Variants in NHSL1 observed in about 807,000 individuals in gnomAD.
The protein encoded by NHSL1 is NHS like 1, also known as NHS-like protein 1.
A neutral mutation model predicts 95.0 loss-of-function variants in NHSL1; 48 were observed. The ratio of observed to expected loss-of-function variants is 0.51; its 90% CI spans 0.40 to 0.64. The LOEUF (loss-of-function observed/expected upper bound fraction) is 0.64, where lower values mean the gene tolerates loss of function less well. Ranked by LOEUF, NHSL1 falls within the 30% of genes least tolerant of loss-of-function variation. NHSL1 has a pLI of 0.00. For missense variants in NHSL1, 1,971 were observed against 2,077.7 expected (o/e 0.95, Z 1.00); for synonymous variants, 783 against 833.9 (o/e 0.94, Z 1.05).
chr6:138,485,173 C>T (rs1318719955), intron 2 of NHSL1, among the ~76,000 whole-genome samples: 1 of 152,086 alleles, frequency 6.6e-6, no homozygotes, highest in Non-Finnish European at 1.5e-5. Flanking sequence ...TAAGCCAACA[C>T]GGGAGACTTC....
chr6:138,475,699 A>G (rs1468725258), intron 2 of NHSL1, among the ~76,000 whole-genome samples: 1 of 152,096 alleles, frequency 6.6e-6, no homozygotes, highest in Non-Finnish European at 1.5e-5. Flanking sequence ...TAATCCCAGC[A>G]CTTTGGGAGG....
Position 138,430,721 on chromosome 6 carries a change from C to A in NHSL1, c.3624G>T (p.Pro1208=), listed in dbSNP as rs968967127. Residue 1208 remains proline (P), a synonymous_variant, in exon 6 of 8, where the codon CCG becomes CCT. Coordinates refer to ENST00000343505, the MANE Select transcript of NHSL1 (RefSeq NM_001144060.2). The surrounding 1 kb of genome is among the most constrained non-coding windows in gnomAD (Gnocchi z 4.7). ...CGGGCTCCACTGCAAAATCTTTCTGCGGAGGTGGTACCACCAGGAACAGTT... is the reference window on the plus strand; with the variant it reads ...CGGGCTCCACTGCAAAATCTTTCTGAGGAGGTGGTACCACCAGGAACAGTT... The part of the protein sequence containing the change: ...KPKLFLVVPP[P]QKDFAVEPAE... 1 of 1,551,580 alleles carries A rather than the reference C, an allele frequency of 6.4e-7. No homozygotes were observed. Among genetic ancestry groups the A allele is most frequent in the African/African-American group, 1.4e-5 (1 of 73,014 alleles).
chr6:138,456,084 C>G lies in NHSL1; in HGVS notation c.340-8891G>C, dbSNP rs919337843. Among the ~76,000 whole-genome samples, 25 of 152,264 alleles carry G rather than the reference C, an allele frequency of 1.6e-4. No individual in the cohort carries two copies. The South Asian group carries it at 1.9e-3, about 11-fold the overall frequency. On this transcript the variant is annotated intron_variant, in intron 3 of 7. Transcript: ENST00000343505. ...TTTACTTCAACCTCACACCAACTCTCCAAGGTAGGTTAGGGTAACTATGTA... is the reference window on the plus strand; with the variant it reads ...TTTACTTCAACCTCACACCAACTCTGCAAGGTAGGTTAGGGTAACTATGTA...
At position 138,424,838 on chromosome 6, in the gene NHSL1, A is replaced by G. The variant is rs1315097960; in HGVS notation, c.4086-22T>C. The G allele has an allele frequency of 3.2e-6, 5 of 1,540,078 alleles. No homozygotes were observed. Among genetic ancestry groups the G allele is most frequent in the Non-Finnish European group, 2.6e-6 (3 of 1,139,532 alleles). On this transcript the variant is annotated intron_variant, in intron 7 of 7. Transcript: ENST00000343505. The surrounding 1 kb of genome is among the most constrained non-coding windows in gnomAD (Gnocchi z 5.9). Reference sequence around the variant, plus strand: ...GGATCTGAGATTTAATAACATTAAGAAAAAGGTTAATTCCCACGGGACCAC... The same window carrying G: ...GGATCTGAGATTTAATAACATTAAGGAAAAGGTTAATTCCCACGGGACCAC...
rs879111710 is a variant in NHSL1, at chr6:138,447,113, G to T, written c.420C>A (p.Asp140Glu). Residue 140 changes from aspartate (D) to glutamate (E), a missense_variant, in exon 4 of 8, where the codon GAC becomes GAA. This residue lies in a region of NHSL1 where 1,602 missense variants were observed against 1,654.5 expected (regional missense o/e 0.97). Transcript: ENST00000343505. Reference protein sequence around the residue: ...PKTPASSDFSDLNTQTNWTKS... With the variant: ...PKTPASSDFSELNTQTNWTKS... ...TGGTCCAGTTCGTCTGAGTATTAAG[G>T]TCGGAGAAGTCACTTGAGGCTGGTG... The T allele has an allele frequency of 6.4e-7, 1 of 1,551,804 alleles. No homozygotes were observed. Among genetic ancestry groups the T allele is most frequent in the South Asian group, 1.2e-5 (1 of 84,066 alleles).
At chr6:138,679,988 A>AT (rs915066902) in intron 1 of NHSL1, among the ~76,000 whole-genome samples, 5 of 152,056 alleles carry the variant, frequency 3.3e-5, no homozygotes, top group Non-Finnish European at 7.4e-5. Flanking sequence ...CTAGGTTATG[A>AT]TTTTTTTCTT....
chr6:138,620,373 C>G (rs1215856930), intron 1 of NHSL1, among the ~76,000 whole-genome samples: 1 of 152,152 alleles, frequency 6.6e-6, no homozygotes, highest in Non-Finnish European at 1.5e-5. Context: ...AAGGAATTTA[C>G]TGTGAGCAAA....
chr6:138,429,927 C>T (rs764199591), intron 6 of NHSL1, 84 bp from the exon 7 acceptor site: 12 of 1,361,824 alleles, frequency 8.8e-6, no homozygotes, highest in Non-Finnish European at 1.2e-5. Context: ...TGCTGCTTCC[C>T]TGCCATTCCC....
At chr6:138,567,204 T>C (rs1160182969) in intron 1 of NHSL1, among the ~76,000 whole-genome samples, 1 of 151,450 alleles carries the variant, frequency 6.6e-6, no homozygotes, top group Non-Finnish European at 1.5e-5. Context: ...CTCGGCTCAC[T>C]GCAGACTCGA....
At chr6:138,460,491 T>A (rs1777923026) in intron 3 of NHSL1, among the ~76,000 whole-genome samples, 1 of 152,150 alleles carries the variant, frequency 6.6e-6, no homozygotes, top group East Asian at 1.9e-4. Flanking sequence ...TGTGTCATTA[T>A]TCCCTAAACA....
chr6:138,563,501 C>A (rs1000195506), intron 1 of NHSL1, among the ~76,000 whole-genome samples: 6 of 152,184 alleles, frequency 3.9e-5, no homozygotes, highest in Non-Finnish European at 8.8e-5. Flanking sequence ...AGGATAAAGA[C>A]ATTTTTTGAC....
chr6:138,431,099 T>C lies in NHSL1; in HGVS notation c.3246A>G (p.Arg1082=), dbSNP rs954117128. 5.2e-6 allele frequency: 8 copies of C among 1,551,752 alleles called. No homozygotes were observed. The highest frequency in any genetic ancestry group is 7.0e-6 in the Non-Finnish European group (8 of 1,147,042). ...ALQMVQLRPV[R]KNSGAEAAQL... Reference sequence around the variant, plus strand: ...GTGCCGCCTCAGCGCCTGAGTTCTTTCTCACGGGCCTCAACTGCACCATCT... The same window carrying C: ...GTGCCGCCTCAGCGCCTGAGTTCTTCCTCACGGGCCTCAACTGCACCATCT... The change falls in exon 6 of 8, where the codon AGA becomes AGG. Residue 1082 remains arginine, a synonymous_variant. Coordinates refer to ENST00000343505, the MANE Select transcript of NHSL1 (RefSeq NM_001144060.2). This position sits in a 1 kb window ranked among gnomAD's most constrained non-coding sequence, Gnocchi z 4.0.
At chr6:138,491,792 G>GT (rs372429180) in intron 2 of NHSL1, among the ~76,000 whole-genome samples, 6 of 152,142 alleles carry the variant, frequency 3.9e-5, no homozygotes, top group African/African-American at 1.4e-4. Context: ...TCCGATTTGG[G>GT]TTTTTTTCTG....
At chr6:138,661,579 T>C (rs1192133857) in intron 1 of NHSL1, among the ~76,000 whole-genome samples, 1 of 151,744 alleles carries the variant, frequency 6.6e-6, no homozygotes, top group East Asian at 1.9e-4. Context: ...AGAGGATCGT[T>C]GGAGCCCCGG....
chr6:138,505,881 A>G (rs749082733), intron 1 of NHSL1, among the ~76,000 whole-genome samples: 32 of 152,156 alleles, frequency 2.1e-4, no homozygotes, highest in Non-Finnish European at 4.3e-4. Context: ...CTGATTGTTA[A>G]TTCATTTTAG....
chr6:138,495,308 C>T (rs1780286195), intron 2 of NHSL1, among the ~76,000 whole-genome samples: 2 of 152,168 alleles, frequency 1.3e-5, no homozygotes, highest in South Asian at 4.1e-4. Context: ...TATAGGAATA[C>T]ATTCTTCCTA....
chr6:138,473,823 T>C (rs1778903337), intron 2 of NHSL1, among the ~76,000 whole-genome samples: 1 of 151,542 alleles, frequency 6.6e-6, no homozygotes, highest in Non-Finnish European at 1.5e-5. Flanking sequence ...TACCAGATTA[T>C]GTGATGATAT....
intron 1 of NHSL1, among the ~76,000 whole-genome samples, chr6:138,497,849 A>G (rs942771471): frequency 1.3e-5 from 2 of 152,212 alleles, no homozygotes; most frequent in African/African-American, 4.8e-5. Context: ...TCATTTTCAA[A>G]AGGACCCCAC....
At chr6:138,494,798 GAGC>G (rs1780253992) in intron 2 of NHSL1, among the ~76,000 whole-genome samples, 1 of 152,148 alleles carries the variant, frequency 6.6e-6, no homozygotes, top group South Asian at 2.1e-4. Context: ...AGTCTGGTAG[GAGC>G]AGCATCTGGT....
Sources: gnomAD v4.1 joint callset for allele counts (sites outside exome capture counted in the v4.1 genomes callset) on GRCh38, gnomAD v4.1.1 for gene constraint, gnomAD v4.1.1 regional missense constraint, Gnocchi (gnomAD v3.1) non-coding constraint, MANE v1.5 for transcripts, NCBI Gene and HGNC (gene_info 2026-07-23, HGNC 2026-07-21) for gene names.